The following MTA3 variants were observed in gnomAD, a reference collection of about 807,000 sequenced individuals.
MTA3 encodes the protein metastasis associated 1 family member 3.
A neutral mutation model predicts 83.5 loss-of-function variants in MTA3; 34 were observed. The ratio of observed to expected loss-of-function variants is 0.41; its 90% confidence interval spans 0.31 to 0.54. MTA3 has a LOEUF of 0.54. Ranked by LOEUF, MTA3 falls within the 20% of genes least tolerant of loss-of-function variation. MTA3 has a pLI of 0.33. For synonymous variants in MTA3, 303 were observed against 252.7 expected, an observed-to-expected ratio of 1.20 and a Z score of -1.89; for missense variants, 761 against 726.4, an observed-to-expected ratio of 1.05 and a Z score of -0.55.
chr2:42,743,351 C>T (rs1171773410), intron 16 of MTA3, among the ~76,000 whole-genome samples: 4 of 152,274 alleles, frequency 2.6e-5, no homozygotes, highest in African/African-American at 7.2e-5. Context: ...TACAGACCAT[C>T]GTTTGGAGGT....
chr2:42,754,613 C>A lies in MTA3; in HGVS notation c.*1214C>A. The A allele has an allele frequency of 5.1e-6, 5 of 985,498 alleles. No homozygotes were observed. The highest frequency in any genetic ancestry group is 6.0e-6 in the Non-Finnish European group (5 of 829,980). 61.0% of individuals were successfully genotyped at this position (985,498 alleles called of 1,614,324 possible). A position where few individuals can be genotyped will look rare whatever the true frequency, so the allele number is the denominator to read the frequency against. On this transcript the variant is annotated 3_prime_UTR_variant, in exon 17 of 17. Coordinates refer to ENST00000405094, the MANE Select transcript of MTA3 (RefSeq NM_001330442.2). ...CTGAGCAGATGTGAGGCTGGCAACT[C>A]CCCTGCCCTCTGTTTGCAGGCACAG...
At chr2:42,694,886 C>T (rs1341627546) in intron 9 of MTA3, among the ~76,000 whole-genome samples, 2 of 152,108 alleles carry the variant, frequency 1.3e-5, no homozygotes, top group Non-Finnish European at 2.9e-5. Context: ...CATCTGTGAT[C>T]CTAGGACTTT....
intron 8 of MTA3, among the ~76,000 whole-genome samples, chr2:42,673,702 G>C (rs1419004275): frequency 6.6e-6 from 1 of 152,196 alleles, no homozygotes; most frequent in Non-Finnish European, 1.5e-5. Flanking sequence ...ACAATCGAAT[G>C]AAGGCCTCAG....
At position 42,697,845 on chromosome 2, in the gene MTA3, G is replaced by T. The variant is rs1222004592; in HGVS notation, c.1025+11G>T. 6 of 1,495,520 alleles carry T rather than the reference G, an allele frequency of 4.0e-6. No homozygotes were observed. Among genetic ancestry groups the T allele is most frequent in the Non-Finnish European group, 5.4e-6 (6 of 1,115,048 alleles). 92.6% of individuals were successfully genotyped at this position (1,495,520 alleles called of 1,614,324 possible). A position where few individuals can be genotyped will look rare whatever the true frequency, so the allele number is the denominator to read the frequency against. On this transcript the variant is annotated intron_variant, in intron 11 of 16. Transcript: ENST00000405094. ...ATATATCCCAACCTAGTAAGTAATTGAAATCTTTTAAAATATTTGTTTTGG... is the reference window on the plus strand; with the variant it reads ...ATATATCCCAACCTAGTAAGTAATTTAAATCTTTTAAAATATTTGTTTTGG...
At chr2:42,530,654 G>A (rs1347568920) in intron 2 of MTA3, among the ~76,000 whole-genome samples, 1 of 151,668 alleles carries the variant, frequency 6.6e-6, no homozygotes, top group Non-Finnish European at 1.5e-5. Context: ...GCGTAGTGGC[G>A]CATGCCTATA....
At chr2:42,646,498 A>C (rs1284967641) in intron 6 of MTA3, among the ~76,000 whole-genome samples, 1 of 152,240 alleles carries the variant, frequency 6.6e-6, no homozygotes, top group East Asian at 1.9e-4. Flanking sequence ...GAGGAGGTCA[A>C]AATATTAACA....
At chr2:42,692,993 C>T (rs966423850) in intron 9 of MTA3, among the ~76,000 whole-genome samples, 6 of 152,240 alleles carry the variant, frequency 3.9e-5, no homozygotes, top group Non-Finnish European at 8.8e-5. Context: ...ACTCAAAGTA[C>T]TCCCTTGGTA....
At chr2:42,732,064 CTG>C (rs1668268446) in intron 16 of MTA3, among the ~76,000 whole-genome samples, 1 of 152,192 alleles carries the variant, frequency 6.6e-6, no homozygotes, top group Non-Finnish European at 1.5e-5. Flanking sequence ...ACAGTGTAAA[CTG>C]TTGGTGGATC....
Position 42,708,963 on chromosome 2 carries a change from C to T in MTA3, c.1392C>T (p.Thr464=). The change falls in exon 14 of 17, where the codon ACC becomes ACT. Residue 464 remains threonine (T), a synonymous_variant. Coordinates refer to ENST00000405094, the MANE Select transcript of MTA3 (RefSeq NM_001330442.2). ...NTGSPKSAVK[T]RQAFFLHTTY... ...GGAGTCCAAAGTCTGCAGTGAAGAC[C>T]CGCCAAGCTTTCTTCCTTCATACTA... 6.2e-7 allele frequency: 1 copy of T among 1,613,972 alleles called. No homozygotes were observed. The highest frequency in any genetic ancestry group is 8.5e-7 in the Non-Finnish European group (1 of 1,179,898).
intron 6 of MTA3, among the ~76,000 whole-genome samples, chr2:42,652,561 C>T (rs1421804935): frequency 6.6e-6 from 1 of 152,134 alleles, no homozygotes; most frequent in Non-Finnish European, 1.5e-5. Context: ...GACCAGGCTG[C>T]TCTTAAACTC....
At position 42,594,728 on chromosome 2, in the gene MTA3, A is replaced by ATATATATATTTTT; in HGVS notation, c.191-14729_191-14728insATATATATTTTTT. On this transcript the variant is annotated intron_variant, in intron 3 of 16. Transcript: ENST00000405094. ...TACATATATATATATATATATATATATTTTTTTTTTTTTTTTGAGACAGAG... is the reference window on the plus strand; with the variant it reads ...TACATATATATATATATATATATATATATATATATTTTTTTTTTTTTTTTTTTTTGAGACAGAG... Among the ~76,000 whole-genome samples the ATATATATATTTTT allele has an allele frequency of 6.2e-3, 149 of 24,020 alleles. 4 individuals carry two copies. The highest frequency in any genetic ancestry group is 0.015 in the African/African-American group (65 of 4,458). 15.8% of individuals were successfully genotyped at this position (24,020 alleles called of 152,430 possible).
intron 8 of MTA3, among the ~76,000 whole-genome samples, chr2:42,665,860 C>G (rs1008789600): frequency 6.6e-6 from 1 of 152,176 alleles, no homozygotes; most frequent in Non-Finnish European, 1.5e-5. Flanking sequence ...ATAATCAGGA[C>G]TAGAAATTTA....
intron 16 of MTA3, among the ~76,000 whole-genome samples, chr2:42,724,214 C>T (rs1447923933): frequency 2.0e-5 from 3 of 148,868 alleles, no homozygotes; most frequent in African/African-American, 4.9e-5. Flanking sequence ...TTCCATTATA[C>T]CACCTCCCTG....
upstream of MTA3, among the ~76,000 whole-genome samples, chr2:42,564,915 T>C (rs532023463): frequency 6.6e-6 from 1 of 152,284 alleles, no homozygotes; most frequent in South Asian, 2.1e-4. Context: ...TAGCTGGGAC[T>C]ACAGGCGCTT....
intron 8 of MTA3, among the ~76,000 whole-genome samples, chr2:42,677,428 C>T (rs559502914): frequency 7.2e-5 from 11 of 152,068 alleles, no homozygotes; most frequent in East Asian, 1.9e-4. Context: ...CTGCAACTTC[C>T]GCCTCCTGGG....
chr2:42,671,303 C>T (rs1690770944), intron 8 of MTA3, among the ~76,000 whole-genome samples: 2 of 151,898 alleles, frequency 1.3e-5, no homozygotes, highest in Non-Finnish European at 1.5e-5. Context: ...AAACAGTTTG[C>T]CGTATTTGTA....
At chr2:42,661,371 T>C (rs1689693146) in intron 8 of MTA3, among the ~76,000 whole-genome samples, 1 of 151,818 alleles carries the variant, frequency 6.6e-6, no homozygotes, top group Admixed American at 6.6e-5. Flanking sequence ...TGTGGTGGCA[T>C]GCGCCTGTCT....
chr2:42,721,339 T>TC (rs1667396136), intron 15 of MTA3, among the ~76,000 whole-genome samples: 1 of 151,326 alleles, frequency 6.6e-6, no homozygotes, highest in East Asian at 1.9e-4. Context: ...TCTTTTTTTT[T>TC]TTTTTTGAGA....
rs145853688 is a variant in MTA3 at position 42,618,472 on chromosome 2, T to C, written c.317+8888T>C. Among the ~76,000 whole-genome samples the C allele has an allele frequency of 2.0e-3, 298 of 152,358 alleles. 2 individuals are homozygous for C. Among genetic ancestry groups the C allele is most frequent in the African/African-American group, 6.8e-3 (284 of 41,584 alleles). On this transcript the variant is annotated intron_variant, in intron 4 of 16. Coordinates refer to ENST00000405094, the MANE Select transcript of MTA3 (RefSeq NM_001330442.2). Reference sequence around the variant, plus strand: ...ATGTTAAAAATTTTAAATAAACTTATGTGTATTTTCTGGTCATAAAAACAA... The same window carrying C: ...ATGTTAAAAATTTTAAATAAACTTACGTGTATTTTCTGGTCATAAAAACAA...
Sources: allele counts gnomAD v4.1 joint callset (sites outside exome capture counted in the v4.1 genomes callset), GRCh38; gene constraint gnomAD v4.1.1; transcripts MANE v1.5; gene names NCBI Gene and HGNC (gene_info 2026-07-23, HGNC 2026-07-21).